CSNK1E: variants seen among roughly 807,000 people sequenced by gnomAD.
CSNK1E encodes casein kinase 1 epsilon.
In CSNK1E, 17 loss-of-function variants were observed where a neutral mutation model predicts 46.1. That is an observed-to-expected ratio of 0.37 (90% CI 0.25 to 0.55). CSNK1E has a LOEUF of 0.55. Among genes scored for constraint, CSNK1E ranks in the 20% least tolerant of loss-of-function variants. The pLI, the probability that CSNK1E is intolerant of heterozygous loss-of-function variation, is 0.82. For missense variants in CSNK1E, 386 were observed against 595.4 expected (o/e 0.65, Z 3.66); for synonymous variants, 241 against 242.6 (o/e 0.99, Z 0.06).
chr22:38,302,245 C>CCGTGTTAATTCCCATCT (rs758330118), intron 4 of CSNK1E, among the ~76,000 whole-genome samples: 380 of 45,404 alleles, frequency 8.4e-3, no homozygotes, highest in Non-Finnish European at 0.011. Flanking sequence ...GCCTGTGATC[C>CCGTGTTAATTCCCATCT]CGTGTTAATT....
chr22:38,316,883 G>C (rs931891007), intron 1 of CSNK1E: 1 of 151,852 alleles, frequency 6.6e-6, no homozygotes, highest in Admixed American at 6.5e-5. Context: ...CCGGGGCCTC[G>C]GAGGGCCCAG....
At chr22:38,310,013 G>A (rs1189391728) in intron 2 of CSNK1E, among the ~76,000 whole-genome samples, 2 of 152,158 alleles carry the variant, frequency 1.3e-5, no homozygotes, top group African/African-American at 2.4e-5. Context: ...GCTAAGCTGA[G>A]GTTCAGAAAC....
Position 38,290,708 on chromosome 22 carries a change from C to A in CSNK1E, c.*1263G>T, listed in dbSNP as rs566996251. 2 of 152,540 alleles carry A rather than the reference C, an allele frequency of 1.3e-5. No homozygotes were observed. The highest frequency in any genetic ancestry group is 2.9e-5 in the Non-Finnish European group (2 of 68,042). The allele number at this position is 152,540 out of a possible 1,614,324, so 9.4% of individuals were successfully genotyped here. On this transcript the variant is annotated 3_prime_UTR_variant, in exon 11 of 11. Transcript: ENST00000396832. Reference sequence around the variant, plus strand: ...TGCCTGCATCACTTTATCTTTTCTACTTTATTACTTCAAATTAACAACCAC... The same window carrying A: ...TGCCTGCATCACTTTATCTTTTCTAATTTATTACTTCAAATTAACAACCAC...
At chr22:38,301,163 G>A (rs1416931816) in intron 4 of CSNK1E, among the ~76,000 whole-genome samples, 6 of 152,230 alleles carry the variant, frequency 3.9e-5, no homozygotes, top group Non-Finnish European at 7.3e-5. Context: ...AGTTGGCTGT[G>A]AGACAGAGAA....
At chr22:38,305,858 G>T (rs2092696389) in intron 2 of CSNK1E, among the ~76,000 whole-genome samples, 1 of 152,032 alleles carries the variant, frequency 6.6e-6, no homozygotes, top group African/African-American at 2.4e-5. Context: ...GCCACTGGAG[G>T]GGGATTTGAC....
chr22:38,311,270 G>A (rs1204554323), intron 2 of CSNK1E, among the ~76,000 whole-genome samples: 2 of 152,152 alleles, frequency 1.3e-5, no homozygotes, highest in East Asian at 1.9e-4. Flanking sequence ...CTGCTCAAGC[G>A]CATACAGCTC....
At chr22:38,296,313 C>A in intron 7 of CSNK1E, 1 of 1,323,022 alleles carries the variant, frequency 7.6e-7, no homozygotes, top group South Asian at 2.0e-5. Flanking sequence ...TGTTGAATTC[C>A]TTCCCGGCCA....
At chr22:38,305,955 C>G (rs556061213) in intron 2 of CSNK1E, among the ~76,000 whole-genome samples, 7 of 152,150 alleles carry the variant, frequency 4.6e-5, no homozygotes, top group Non-Finnish European at 8.8e-5. Flanking sequence ...ACAAGGCTGT[C>G]GGCTGCAGGC....
intron 7 of CSNK1E, chr22:38,296,701 G>C (rs756272844): frequency 6.2e-7 from 1 of 1,610,190 alleles, no homozygotes; most frequent in Admixed American, 1.7e-5. Flanking sequence ...TTGGAAAAGA[G>C]ATCTTGCTGG....
At position 38,303,383 on chromosome 22, in the gene CSNK1E, G is replaced by A. The variant is rs2145839546; in HGVS notation, c.77-135C>T. 5.5e-6 allele frequency: 4 copies of A among 726,242 alleles called. No individual in the cohort carries two copies. Among genetic ancestry groups the A allele is most frequent in the African/African-American group, 1.8e-5 (1 of 56,090 alleles). 45.0% of individuals were successfully genotyped at this position (726,242 alleles called of 1,614,324 possible). On this transcript the variant is annotated intron_variant, in intron 2 of 10. Coordinates refer to ENST00000396832, the MANE Select transcript of CSNK1E (RefSeq NM_152221.3). The surrounding 1 kb of genome is among the most constrained non-coding windows in gnomAD (Gnocchi z 4.7). The stretch of plus-strand genomic sequence containing the variant: ...CTGCCCTTGAGGAGCTCTTGGGGGA[G>A]GCTGGGAAGGGGGCAAAGGAGCCCC...
intron 1 of CSNK1E, among the ~76,000 whole-genome samples, chr22:38,314,864 G>A (rs906756462): frequency 6.6e-6 from 1 of 152,146 alleles, no homozygotes; most frequent in African/African-American, 2.4e-5. Flanking sequence ...AGGGCCAGGG[G>A]GGAGCCCTCT....
rs922825018 is a variant in CSNK1E at position 38,298,564 on chromosome 22, G to A, written c.885+222C>T. ...GAAGCCAGATCCTCCTTGTTCCGAC[G>A]GGAGACAGCGCCCTGCCTGGGCCCT... On this transcript the variant is annotated intron_variant, in intron 7 of 10. Transcript: ENST00000396832. The surrounding 1 kb of genome is among the most constrained non-coding windows in gnomAD (Gnocchi z 4.2). The A allele has an allele frequency of 2.7e-5, 15 of 562,450 alleles. No individual in the cohort carries two copies. The highest frequency in any genetic ancestry group is 5.7e-5 in the African/African-American group (3 of 52,940). 34.8% of individuals were successfully genotyped at this position (562,450 alleles called of 1,614,324 possible).
At chr22:38,301,856 G>A (rs552467401) in intron 4 of CSNK1E, among the ~76,000 whole-genome samples, 5 of 152,082 alleles carry the variant, frequency 3.3e-5, no homozygotes, top group South Asian at 2.1e-4. Flanking sequence ...GGGCTCTGGC[G>A]ACCCTCTGCT....
In CSNK1E at chr22:38,294,470, A is replaced by G. The variant is rs1224042683; in HGVS notation, c.950T>C (p.Met317Thr). The G allele has an allele frequency of 6.3e-7, 1 of 1,591,816 alleles. No homozygotes were observed. The highest frequency in any genetic ancestry group is 8.5e-7 in the Non-Finnish European group (1 of 1,170,618). ...GGTCGCGGACCCCCGTAGCTGCCCC[A>G]TCCTCTCCTCGCGTTCGTGTTCTCG... is the stretch of plus-strand genomic sequence containing the variant. ...ERREHEREER[M>T]GQLRGSATRA... is the part of the protein sequence containing the mutation. The change falls in exon 8 of 11, where the codon ATG becomes ACG. Residue 317 changes from methionine (M) to threonine (T), a missense_variant. This residue lies in a region of CSNK1E where 174 missense variants were observed against 185.2 expected (regional missense o/e 0.94). Transcript: ENST00000396832. This position sits in a 1 kb window ranked among gnomAD's most constrained non-coding sequence, Gnocchi z 5.5.
intron 10 of CSNK1E, chr22:38,292,932 C>A: frequency 2.7e-6 from 1 of 375,200 alleles, no homozygotes; most frequent in Non-Finnish European, 5.0e-6. Flanking sequence ...AGTGTGAGCC[C>A]ATGGCCCCGT....
Position 38,294,238 on chromosome 22 carries a change from A to G in CSNK1E, c.1089T>C (p.Ser363=). The change falls in exon 9 of 11, where the codon TCT becomes TCC. Residue 363 remains serine, a synonymous_variant. Transcript: ENST00000396832. The surrounding 1 kb of genome is among the most constrained non-coding windows in gnomAD (Gnocchi z 5.5). The stretch of plus-strand genomic sequence containing the variant: ...GGTCGACCCGCGAGATCGCTCTGGG[A>G]GAAGTATTGCCTGGAGGGAGAGTGG... ...ASRIQPAGNT[S]PRAISRVDRE... 1 of 1,612,186 alleles carries G rather than the reference A, an allele frequency of 6.2e-7. No individual in the cohort carries two copies. The highest frequency in any genetic ancestry group is 8.5e-7 in the Non-Finnish European group (1 of 1,179,880).
intron 2 of CSNK1E, among the ~76,000 whole-genome samples, chr22:38,307,291 G>A (rs1437817447): frequency 6.6e-6 from 1 of 151,914 alleles, no homozygotes; most frequent in East Asian, 1.9e-4. Flanking sequence ...TATGGAGAAG[G>A]CCAGGTGCCA....
intron 2 of CSNK1E, 131 bp downstream of exon 2, chr22:38,313,951 G>A (rs1300681102): frequency 2.5e-6 from 2 of 805,792 alleles, no homozygotes; most frequent in Admixed American, 4.4e-5. Context: ...TTCCCCATCT[G>A]GGATGGCCCT....
rs1231035205 is a variant in CSNK1E at position 38,291,518 on chromosome 22, A to C, written c.*453T>G. The C allele has an allele frequency of 2.6e-5, 4 of 152,192 alleles. No homozygotes were observed. The highest frequency in any genetic ancestry group is 2.6e-4 in the Admixed American group (4 of 15,272). 9.4% of individuals were successfully genotyped at this position (152,192 alleles called of 1,614,324 possible). On this transcript the variant is annotated 3_prime_UTR_variant, in exon 11 of 11. Transcript: ENST00000396832. ...GGCTGTGCGTATCTCCTGGATTCTG[A>C]GGCTCGGAAAACTCGGTGGGAACTG...
Sources: gnomAD v4.1 joint callset for allele counts (sites outside exome capture counted in the v4.1 genomes callset) on GRCh38, gnomAD v4.1.1 for gene constraint, gnomAD v4.1.1 regional missense constraint, Gnocchi (gnomAD v3.1) non-coding constraint, MANE v1.5 for transcripts, NCBI Gene and HGNC (gene_info 2026-07-23, HGNC 2026-07-21) for gene names.